RIN2: variants seen among roughly 807,000 people sequenced by gnomAD.
RIN2 encodes the protein RAB5 interacting protein 2.
In RIN2, 36 loss-of-function variants were observed where a neutral mutation model predicts 78.0. The ratio of observed to expected loss-of-function variants is 0.46; its 90% CI spans 0.35 to 0.61. The LOEUF (loss-of-function observed/expected upper bound fraction) is 0.61, where lower values mean the gene tolerates loss of function less well. Among genes scored for constraint, RIN2 ranks in the 20% least tolerant of loss-of-function variants. The probability of loss-of-function intolerance (pLI) is 0.00; values close to 1 mark genes in which losing one functional copy is unlikely to be tolerated. For missense variants in RIN2, 1,087 were observed against 1,159.7 expected (o/e 0.94, Z 0.91); for synonymous variants, 466 against 466.8 (o/e 1.00, Z 0.02).
rs147053222 is a variant in RIN2 at position 19,891,734 on chromosome 20, G to A, written c.57+2076G>A. Among the ~76,000 whole-genome samples, 1,139 of 119,676 alleles carry A rather than the reference G, an allele frequency of 9.5e-3. 21 individuals are homozygous for A. The highest frequency in any genetic ancestry group is 0.037 in the African/African-American group (1,077 of 29,304). The allele number at this position is 119,676 out of a possible 152,430, so 78.5% of individuals were successfully genotyped here. A position where few individuals can be genotyped will look rare whatever the true frequency, so the allele number is the denominator to read the frequency against. ...CTTAGGAGGCTGAAGCAGGAGAATC[G>A]TTTGAACCTGGGAGGTGGAGGTTGC... On this transcript the variant is annotated intron_variant, in intron 3 of 12. Coordinates refer to ENST00000255006, the MANE Select transcript of RIN2 (RefSeq NM_018993.4).
intron 2 of RIN2, among the ~76,000 whole-genome samples, chr20:19,852,979 A>T (rs2037034634): frequency 6.7e-6 from 1 of 150,352 alleles, no homozygotes; most frequent in East Asian, 2.0e-4. Context: ...GGTGTGCTGC[A>T]CCCATTAACT....
rs1568794573 is a variant in RIN2 at position 19,833,283 on chromosome 20, T to TATATATA, written c.-37+33536_-37+33537insATATATA. Among the ~76,000 whole-genome samples, 398 of 151,026 alleles carry TATATATA rather than the reference T, an allele frequency of 2.6e-3. 3 individuals are homozygous for TATATATA. The highest frequency in any genetic ancestry group is 9.3e-3 in the African/African-American group (380 of 40,760). ...CTATATATAGATAGATAGATATAGG[T>TATATATA]TATATATATATATTTTAACTTTAAG... is the stretch of plus-strand genomic sequence containing the variant. On this transcript the variant is annotated intron_variant, in intron 2 of 12. Coordinates refer to ENST00000255006, the MANE Select transcript of RIN2 (RefSeq NM_018993.4).
intron 3 of RIN2, among the ~76,000 whole-genome samples, chr20:19,910,971 T>C (rs1471540041): frequency 6.6e-6 from 1 of 152,204 alleles, no homozygotes. Context: ...TATGCACCAG[T>C]GGTTAACATT....
intron 6 of RIN2, among the ~76,000 whole-genome samples, chr20:19,962,610 G>C (rs1028822845): frequency 1.3e-5 from 2 of 152,220 alleles, no homozygotes; most frequent in Admixed American, 1.3e-4. Context: ...GTCATAACTA[G>C]TTACCACAGG....
chr20:19,924,716 CTTTTTTTTTTTTTTTTTTTTTTTT>C (rs869199855), intron 3 of RIN2, among the ~76,000 whole-genome samples: 2,637 of 10,878 alleles, frequency 0.24, 503 homozygotes, highest in South Asian at 0.51. Context: ...ATCCCCACCT[CTTTTTTTTTTTTTTTTTTTTTTTT>C]TTTTTTTTTT....
At chr20:19,872,544 A>G (rs575802131) in intron 2 of RIN2, among the ~76,000 whole-genome samples, 121 of 152,272 alleles carry the variant, frequency 7.9e-4, no homozygotes, top group Non-Finnish European at 1.4e-3. Context: ...GGTGCCATCA[A>G]GTTAATACGC....
At chr20:19,801,105 T>G (rs1341723980) in intron 2 of RIN2, among the ~76,000 whole-genome samples, 1 of 152,186 alleles carries the variant, frequency 6.6e-6, no homozygotes, top group East Asian at 1.9e-4. Context: ...GCACAATATG[T>G]TGTTGCTCTA....
At chr20:19,886,527 G>A (rs2038198242) in intron 2 of RIN2, 1 of 583,014 alleles carries the variant, frequency 1.7e-6, no homozygotes, top group South Asian at 2.4e-5. Context: ...CATTCTTTCA[G>A]TGGTGTTGTT....
intron 2 of RIN2, among the ~76,000 whole-genome samples, chr20:19,802,950 G>A (rs1267495880): frequency 6.6e-6 from 1 of 152,082 alleles, no homozygotes; most frequent in Non-Finnish European, 1.5e-5. Flanking sequence ...TCTCCCACTA[G>A]ACCCCTCTTT....
At chr20:19,962,271 G>A (rs1330556564) in intron 6 of RIN2, among the ~76,000 whole-genome samples, 1 of 151,418 alleles carries the variant, frequency 6.6e-6, no homozygotes, top group Non-Finnish European at 1.5e-5. Context: ...GGGCGACAGA[G>A]CCAGACCGTG....
intron 1 of RIN2, among the ~76,000 whole-genome samples, chr20:19,794,532 C>CAAAAAA (rs10530809): frequency 3.4e-5 from 3 of 88,594 alleles, no homozygotes; most frequent in Admixed American, 1.3e-4. Flanking sequence ...ACCCTGTATC[C>CAAAAAA]AAAAAAAAAA....
intron 2 of RIN2, among the ~76,000 whole-genome samples, chr20:19,846,275 G>A (rs1484775385): frequency 6.6e-6 from 1 of 152,180 alleles, no homozygotes; most frequent in Non-Finnish European, 1.5e-5. Flanking sequence ...AAAGTCAATG[G>A]TAGCTTGATG....
intron 2 of RIN2, among the ~76,000 whole-genome samples, chr20:19,883,185 A>C (rs990668314): frequency 2.6e-5 from 4 of 152,204 alleles, no homozygotes; most frequent in African/African-American, 4.8e-5. Context: ...CCACCGGTGC[A>C]GGAGAAGCCA....
At chr20:19,810,912 C>T (rs1250477679) in intron 2 of RIN2, among the ~76,000 whole-genome samples, 8 of 149,622 alleles carry the variant, frequency 5.3e-5, no homozygotes, top group Non-Finnish European at 8.9e-5. Flanking sequence ...AGGGTTTCAC[C>T]GTGTTAGCCA....
At chr20:19,911,177 A>G (rs1009152856) in intron 3 of RIN2, among the ~76,000 whole-genome samples, 12 of 151,910 alleles carry the variant, frequency 7.9e-5, no homozygotes, top group Non-Finnish European at 1.6e-4. Context: ...CAGCCTCCTG[A>G]GTAGCTGGGA....
chr20:19,768,719 C>G (rs909466279), intron 1 of RIN2, among the ~76,000 whole-genome samples: 3 of 152,098 alleles, frequency 2.0e-5, no homozygotes, highest in Admixed American at 6.5e-5. Context: ...ACTGACATTA[C>G]ACAGCATGAT....
chr20:19,849,194 G>A (rs2036879597), intron 2 of RIN2, among the ~76,000 whole-genome samples: 1 of 152,156 alleles, frequency 6.6e-6, no homozygotes, highest in African/African-American at 2.4e-5. Flanking sequence ...CTGGTTCCCT[G>A]TGAGCTCATC....
chr20:19,995,460 C>G lies in RIN2; in HGVS notation c.2201-1219C>G, dbSNP rs181309002. 2.7e-3 allele frequency among the ~76,000 whole-genome samples: 416 copies of G among 152,114 alleles called. 8 individuals are homozygous for G. The highest frequency in any genetic ancestry group is 0.024 in the Admixed American group (364 of 15,276). The stretch of plus-strand genomic sequence containing the variant: ...ATTTTTAATAAACATTCAGGGCGAC[C>G]CCTAGTGGCTCTTCAGCGCAGAGAC... On this transcript the variant is annotated intron_variant, in intron 11 of 12. Transcript: ENST00000255006.
intron 2 of RIN2, among the ~76,000 whole-genome samples, chr20:19,810,244 C>CAAAAAAA (rs58768278): frequency 2.5e-5 from 2 of 80,620 alleles, no homozygotes. Flanking sequence ...ATTAATAATA[C>CAAAAAAA]AAAAAAAAAA....
Sources: allele counts gnomAD v4.1 joint callset (sites outside exome capture counted in the v4.1 genomes callset), GRCh38; gene constraint gnomAD v4.1.1; transcripts MANE v1.5; gene names NCBI Gene and HGNC (gene_info 2026-07-23, HGNC 2026-07-21).